RBFOX1: variants seen among roughly 807,000 people sequenced by gnomAD.
The protein encoded by RBFOX1 is RNA binding protein fox-1 homolog 1.
RBFOX1 carries 8 observed loss-of-function variants against 57.7 expected under a neutral mutation model. That is an observed-to-expected ratio of 0.14 (90% confidence interval 0.08 to 0.25). RBFOX1 has a LOEUF of 0.25. Among genes scored for constraint, RBFOX1 ranks in the 10% least tolerant of loss-of-function variants. The pLI, the probability that RBFOX1 is intolerant of heterozygous loss-of-function variation, is 1.00. For synonymous variants in RBFOX1, 326 were observed against 222.4 expected (o/e 1.47, Z -4.15); for missense variants, 611 against 548.5 (o/e 1.11, Z -1.14).
At chr16:6,390,178 A>G (rs889223919) in intron 2 of RBFOX1, among the ~76,000 whole-genome samples, 2 of 152,256 alleles carry the variant, frequency 1.3e-5, no homozygotes, top group Admixed American at 6.5e-5. Flanking sequence ...GCGTGCATAC[A>G]TTAGTATTTC....
chr16:5,290,398 G>T lies in RBFOX1; in HGVS notation c.219+50293G>T, dbSNP rs145428471. ...AGGGCTTAGTGGGAGGAGGAAATGG[G>T]AGGTACCTGCTAATGGATACAGGGT... is the stretch of plus-strand genomic sequence containing the variant. On this transcript the variant is annotated intron_variant, in intron 1 of 2. Transcript: ENST00000585867. Among the ~76,000 whole-genome samples, 250 of 152,244 alleles carry T rather than the reference G, an allele frequency of 1.6e-3. 1 individual carries two copies. The highest frequency in any genetic ancestry group is 5.9e-3 in the African/African-American group (245 of 41,542).
At chr16:6,940,763 AGTGTGTGTGTGTGTGTGTGTGTGT>A (rs61349150) in intron 3 of RBFOX1, among the ~76,000 whole-genome samples, 12 of 114,392 alleles carry the variant, frequency 1.0e-4, no homozygotes, top group East Asian at 2.5e-4. Flanking sequence ...ATGTCCCGCT[AGTGTGTGTGTGTGTGTGTGTGTGT>A]GTGTGTGTGT....
intron 3 of RBFOX1, among the ~76,000 whole-genome samples, chr16:5,709,168 T>C (rs1278745041): frequency 2.0e-5 from 3 of 152,218 alleles, no homozygotes; most frequent in Non-Finnish European, 4.4e-5. Flanking sequence ...TCTGTGGATC[T>C]GTTTCTGGGC....
At chr16:5,895,555 G>T (rs566046559) in intron 4 of RBFOX1, among the ~76,000 whole-genome samples, 1 of 152,302 alleles carries the variant, frequency 6.6e-6, no homozygotes, top group East Asian at 1.9e-4. Flanking sequence ...TATTCTTACT[G>T]AGCTGGAGAA....
chr16:6,565,620 A>G (rs796682468), intron 2 of RBFOX1, among the ~76,000 whole-genome samples: 16 of 149,642 alleles, frequency 1.1e-4, no homozygotes, highest in African/African-American at 3.7e-4. Flanking sequence ...GGAGCCTGCT[A>G]CCACGCCTGG....
intron 4 of RBFOX1, among the ~76,000 whole-genome samples, chr16:7,236,038 A>T (rs2093749438): frequency 6.6e-6 from 1 of 152,230 alleles, no homozygotes; most frequent in Admixed American, 6.5e-5. Flanking sequence ...TTGTATAAAT[A>T]GTTCCTCAGA....
chr16:7,148,542 C>A (rs2075492426), intron 4 of RBFOX1, among the ~76,000 whole-genome samples: 2 of 152,218 alleles, frequency 1.3e-5, no homozygotes. Context: ...GTGCCGAGTT[C>A]CCTGAACAGA....
At chr16:6,482,749 C>A (rs541126156) in intron 2 of RBFOX1, among the ~76,000 whole-genome samples, 26 of 152,070 alleles carry the variant, frequency 1.7e-4, no homozygotes, top group African/African-American at 6.0e-4. Context: ...GGGCGGGAGG[C>A]GAGATTGGGG....
At chr16:6,722,216 A>C (rs918310321) in intron 3 of RBFOX1, among the ~76,000 whole-genome samples, 9 of 152,206 alleles carry the variant, frequency 5.9e-5, no homozygotes, top group Non-Finnish European at 1.2e-4. Context: ...GTTTTGAAGG[A>C]ACCACTATCC....
chr16:5,677,071 GGC>G (rs1206639168), intron 3 of RBFOX1, among the ~76,000 whole-genome samples: 1 of 152,124 alleles, frequency 6.6e-6, no homozygotes, highest in African/African-American at 2.4e-5. Context: ...CATCTTCCCA[GGC>G]TGGTGGGAAG....
At chr16:5,269,567 GC>G (rs2062952625) in intron 1 of RBFOX1, among the ~76,000 whole-genome samples, 1 of 152,236 alleles carries the variant, frequency 6.6e-6, no homozygotes, top group Non-Finnish European at 1.5e-5. Context: ...ATATGCTACA[GC>G]ATGGGTGAAC....
chr16:7,264,192 C>G (rs961508471), intron 4 of RBFOX1, among the ~76,000 whole-genome samples: 1 of 152,092 alleles, frequency 6.6e-6, no homozygotes, highest in Non-Finnish European at 1.5e-5. Flanking sequence ...AAGCACTTAG[C>G]CAGTAAACTG....
intron 2 of RBFOX1, among the ~76,000 whole-genome samples, chr16:5,483,996 C>A (rs1306196047): frequency 6.6e-6 from 1 of 151,978 alleles, no homozygotes; most frequent in African/African-American, 2.4e-5. Context: ...TATAGTAAGA[C>A]CCTGTCTTGC....
rs9921997 is a variant in RBFOX1, at chr16:7,608,892, G to C, written c.676+1554G>C. 4.5e-3 allele frequency among the ~76,000 whole-genome samples: 678 copies of C among 152,298 alleles called. 4 individuals are homozygous for C. Among genetic ancestry groups the C allele is most frequent in the African/African-American group, 0.015 (637 of 41,558 alleles). ...CTGCTGAATTTTGAGTATGCTATGAGACAAAGAGATTCTTTCCTTCATTGA... is the reference window on the plus strand; with the variant it reads ...CTGCTGAATTTTGAGTATGCTATGACACAAAGAGATTCTTTCCTTCATTGA... On this transcript the variant is annotated intron_variant, in intron 10 of 15. Transcript: ENST00000550418.
intron 2 of RBFOX1, among the ~76,000 whole-genome samples, chr16:6,580,612 T>G (rs1049062789): frequency 1.3e-5 from 2 of 152,204 alleles, no homozygotes; most frequent in Non-Finnish European, 2.9e-5. Flanking sequence ...TAATAGTGAT[T>G]GTATTGAGGG....
intron 14 of RBFOX1, among the ~76,000 whole-genome samples, chr16:7,687,966 C>T (rs553550078): frequency 6.6e-6 from 1 of 151,932 alleles, no homozygotes; most frequent in Non-Finnish European, 1.5e-5. Flanking sequence ...GTTAAATGAC[C>T]GGGGTGTGGG....
Position 6,912,713 on chromosome 16 carries a change from G to A in RBFOX1, c.-15-139344G>A, listed in dbSNP as rs114342415. Among the ~76,000 whole-genome samples the A allele has an allele frequency of 6.5e-3, 989 of 151,812 alleles. 13 individuals carry two copies. The highest frequency in any genetic ancestry group is 0.023 in the African/African-American group (936 of 41,402). Reference sequence around the variant, plus strand: ...TCACTGTAGCGCCCCAACCTCCTGGGCTCAAGCAAGCCTACTACCTCAGCC... The same window carrying A: ...TCACTGTAGCGCCCCAACCTCCTGGACTCAAGCAAGCCTACTACCTCAGCC... On this transcript the variant is annotated intron_variant, in intron 3 of 15. Transcript: ENST00000550418.
chr16:6,605,314 C>G (rs922326781), intron 2 of RBFOX1, among the ~76,000 whole-genome samples: 18 of 152,210 alleles, frequency 1.2e-4, no homozygotes, highest in African/African-American at 3.9e-4. Context: ...TATACTTCAC[C>G]TTCCCAACAT....
At chr16:6,923,432 C>G (rs1240232177) in intron 3 of RBFOX1, among the ~76,000 whole-genome samples, 5 of 152,090 alleles carry the variant, frequency 3.3e-5, no homozygotes, top group Non-Finnish European at 7.3e-5. Context: ...ACTTGGAAGG[C>G]TGAGGAAGGA....
Sources: gnomAD v4.1 joint callset for allele counts (sites outside exome capture counted in the v4.1 genomes callset) on GRCh38, gnomAD v4.1.1 for gene constraint, MANE v1.5 for transcripts, NCBI Gene and HGNC (gene_info 2026-07-23, HGNC 2026-07-21) for gene names.